The following CP variants were observed in gnomAD, a reference collection of about 807,000 sequenced individuals.
The protein encoded by CP is caeruloplasmin.
Under a neutral mutation model 122.4 loss-of-function variants are expected in CP, and 64 were observed. The ratio of observed to expected loss-of-function variants is 0.52; its 90% CI spans 0.43 to 0.64. CP has a LOEUF of 0.64. Ranked by LOEUF, CP falls within the 30% of genes least tolerant of loss-of-function variation. The probability of loss-of-function intolerance (pLI) is 0.00; values close to 1 mark genes in which losing one functional copy is unlikely to be tolerated. For missense variants in CP, 1,167 were observed against 1,284.4 expected (o/e 0.91, Z 1.40); for synonymous variants, 440 against 436.4 (o/e 1.01, Z -0.10).
intron 18 of CP, 124 bp from the exon 19 acceptor site, chr3:149,173,854 T>C: frequency 1.9e-6 from 1 of 520,368 alleles, no homozygotes; most frequent in Non-Finnish European, 3.5e-6. Flanking sequence ...TATATTTTTC[T>C]GCTTTTTATA....
intron 4 of CP, chr3:149,167,340 C>T: frequency 2.2e-6 from 2 of 909,564 alleles, no homozygotes; most frequent in Non-Finnish European, 3.5e-6. Flanking sequence ...TATGCTAATC[C>T]AACATCATAA....
At chr3:149,211,407 A>G (rs1390794748) in intron 2 of CP, among the ~76,000 whole-genome samples, 1 of 152,216 alleles carries the variant, frequency 6.6e-6, no homozygotes, top group African/African-American at 2.4e-5. Flanking sequence ...CAAACAGTGA[A>G]AGGCAAGGCT....
chr3:149,214,237 G>A (rs2108306037), intron 1 of CP, among the ~76,000 whole-genome samples: 1 of 152,312 alleles, frequency 6.6e-6, no homozygotes, highest in South Asian at 2.1e-4. Context: ...CTGCGGTGGA[G>A]GCTATATAGA....
At chr3:149,197,986 A>T (rs942961728) in intron 9 of CP, among the ~76,000 whole-genome samples, 4 of 152,202 alleles carry the variant, frequency 2.6e-5, no homozygotes, top group Admixed American at 2.6e-4. Flanking sequence ...ATACGATAAA[A>T]AGTAAAATCA....
rs113785087 is a variant in CP, at chr3:149,209,598, G to A, written c.608-214C>T. 1.7e-3 allele frequency among the ~76,000 whole-genome samples: 257 copies of A among 152,266 alleles called. 2 individuals carry two copies. Among genetic ancestry groups the A allele is most frequent in the African/African-American group, 5.6e-3 (234 of 41,558 alleles). On this transcript the variant is annotated intron_variant, in intron 3 of 18. Coordinates refer to ENST00000264613, the MANE Select transcript of CP (RefSeq NM_000096.4). Reference sequence around the variant, plus strand: ...TTGGAAGACACTCCTGTGTCTGGATGTCCACTGACCACATAACTATTAAAT... The same window carrying A: ...TTGGAAGACACTCCTGTGTCTGGATATCCACTGACCACATAACTATTAAAT...
At chr3:149,179,935 G>T in intron 14 of CP, 1 of 387,914 alleles carries the variant, frequency 2.6e-6, no homozygotes, top group Non-Finnish European at 4.8e-6. Context: ...TAGGAGGTGT[G>T]TACTTCAATA....
At chr3:149,199,084 T>A (rs1727114569) in intron 8 of CP, among the ~76,000 whole-genome samples, 1 of 152,188 alleles carries the variant, frequency 6.6e-6, no homozygotes, top group Non-Finnish European at 1.5e-5. Flanking sequence ...ACACTGCAAG[T>A]GGTAGCAAAG....
chr3:149,197,395 A>T (rs1007372655), intron 9 of CP, among the ~76,000 whole-genome samples: 2 of 152,166 alleles, frequency 1.3e-5, no homozygotes, highest in African/African-American at 4.8e-5. Context: ...TGCAACACTG[A>T]TTAGTTTATG....
At chr3:149,175,446 A>G (rs1051408530) in intron 18 of CP, among the ~76,000 whole-genome samples, 5 of 152,122 alleles carry the variant, frequency 3.3e-5, no homozygotes, top group African/African-American at 1.2e-4. Context: ...TAAATCTTCA[A>G]ATATATTTAC....
rs548894381 is a variant in CP at position 149,188,141 on chromosome 3, A to G, written c.1775T>C (p.Leu592Pro). 12 of 1,612,964 alleles carry G rather than the reference A, an allele frequency of 7.4e-6. No homozygotes were observed. The South Asian group carries it at 1.1e-4, about 15-fold the overall frequency. Reference sequence around the variant, plus strand: ...AAACATTCTAATATTATCTTCCAGGAGTAAACTCTCATTCTCATCAAATAC... The same window carrying G: ...AAACATTCTAATATTATCTTCCAGGGGTAAACTCTCATTCTCATCAAATAC... ...PTVFDENESL[L>P]LEDNIRMFTT... is the part of the protein sequence containing the mutation. The change falls in exon 10 of 19, where the codon CTC (leucine) becomes CCC (proline). Residue 592 changes from leucine (L) to proline (P), a missense_variant. Around this residue, in one of 2 missense-constraint regions of CP, gnomAD observed 525 missense variants for 657.2 expected, o/e 0.80. Transcript: ENST00000264613.
At chr3:149,208,364 T>C (rs993540316) in intron 4 of CP, among the ~76,000 whole-genome samples, 2 of 152,180 alleles carry the variant, frequency 1.3e-5, no homozygotes, top group Non-Finnish European at 2.9e-5. Flanking sequence ...GAATTTTGAG[T>C]ATCTTTTTAT....
intron 18 of CP, among the ~76,000 whole-genome samples, chr3:149,173,955 G>T (rs2108204202): frequency 6.6e-6 from 1 of 152,222 alleles, no homozygotes; most frequent in East Asian, 1.9e-4. Flanking sequence ...AAGGGAAAAT[G>T]AATAACTTTA....
chr3:149,211,944 G>A lies in CP; in HGVS notation c.394+507C>T, dbSNP rs34618068. ...ATTCTCTCACATTCACACTTTCCAC[G>A]AAAGAGCACAACCAAGAGAAACATG... On this transcript the variant is annotated intron_variant, in intron 2 of 18. Transcript: ENST00000264613. Among the ~76,000 whole-genome samples, 596 of 152,110 alleles carry A rather than the reference G, an allele frequency of 3.9e-3. 7 individuals carry two copies. Among genetic ancestry groups the A allele is most frequent in the African/African-American group, 0.013 (559 of 41,474 alleles).
intron 2 of CP, among the ~76,000 whole-genome samples, chr3:149,210,632 A>G (rs192514066): frequency 6.6e-6 from 1 of 152,292 alleles, no homozygotes; most frequent in East Asian, 1.9e-4. Flanking sequence ...TTTGTTTGCA[A>G]TGTAAAGAAC....
At chr3:149,178,727 G>T (rs1195522491) in intron 15 of CP, 96 bp from the exon 16 acceptor site, 3 of 869,220 alleles carry the variant, frequency 3.5e-6, no homozygotes, top group Non-Finnish European at 3.7e-6. Flanking sequence ...ATTTTGGAGA[G>T]ACCAATTGAA....
chr3:149,221,499 A>G (rs1728804915), intron 1 of CP, 148 bp downstream of exon 1: 1 of 650,952 alleles, frequency 1.5e-6, no homozygotes, highest in Admixed American at 3.2e-5. Flanking sequence ...AGGAATATAA[A>G]GGAGATTGAT....
chr3:149,166,698 G>A (rs1033450544), intron 4 of CP, among the ~76,000 whole-genome samples: 2 of 152,110 alleles, frequency 1.3e-5, no homozygotes, highest in African/African-American at 4.8e-5. Flanking sequence ...AACATCATTG[G>A]ACGTAAATCT....
intron 4 of CP, chr3:149,167,362 TCCA>T (rs1724528827): frequency 3.9e-6 from 3 of 764,918 alleles, no homozygotes; most frequent in Admixed American, 4.0e-5. Flanking sequence ...GCTGTGTGGG[TCCA>T]TTGAGCATAT....
intron 2 of CP, among the ~76,000 whole-genome samples, chr3:149,210,633 T>C (rs917772305): frequency 1.6e-4 from 24 of 152,168 alleles, no homozygotes; most frequent in Admixed American, 6.5e-4. Context: ...TTGTTTGCAA[T>C]GTAAAGAACT....
Sources: allele counts gnomAD v4.1 joint callset (sites outside exome capture counted in the v4.1 genomes callset), GRCh38; gene constraint gnomAD v4.1.1; regional missense constraint gnomAD v4.1.1; transcripts MANE v1.5; gene names NCBI Gene and HGNC (gene_info 2026-07-23, HGNC 2026-07-21).